The following ADAMTS6 variants were observed in gnomAD, a reference collection of about 807,000 sequenced individuals.
The protein encoded by ADAMTS6 is ADAM metallopeptidase with thrombospondin type 1 motif 6, also known as A disintegrin and metalloproteinase with thrombospondin motifs 6.
A neutral mutation model predicts 144.3 loss-of-function variants in ADAMTS6; 23 were observed. The observed-to-expected ratio is 0.16, with a 90% confidence interval of 0.11 to 0.23. The LOEUF (loss-of-function observed/expected upper bound fraction) is 0.23, where lower values mean the gene tolerates loss of function less well. Among genes scored for constraint, ADAMTS6 ranks in the 10% least tolerant of loss-of-function variants. The pLI, the probability that ADAMTS6 is intolerant of heterozygous loss-of-function variation, is 1.00. For synonymous variants in ADAMTS6, 444 were observed against 457.5 expected, an observed-to-expected ratio of 0.97 and a Z score of 0.38; for missense variants, 999 against 1,379.6, an observed-to-expected ratio of 0.72 and a Z score of 4.37.
At chr5:65,468,480 A>G (rs58002603) in intron 3 of ADAMTS6, among the ~76,000 whole-genome samples, 45,845 of 151,172 alleles carry the variant, frequency 0.3, 10,984 homozygotes, top group African/African-American at 0.67. Context: ...AAGAATGAAG[A>G]TAAAGTTTAC....
intron 15 of ADAMTS6, among the ~76,000 whole-genome samples, chr5:65,235,766 A>G (rs1362816738): frequency 6.6e-6 from 1 of 152,170 alleles, no homozygotes; most frequent in Non-Finnish European, 1.5e-5. Context: ...CTAATACTTA[A>G]TAAACTTCCC....
intron 20 of ADAMTS6, among the ~76,000 whole-genome samples, chr5:65,208,926 A>G (rs907647660): frequency 2.6e-5 from 4 of 152,224 alleles, no homozygotes; most frequent in African/African-American, 9.6e-5. Flanking sequence ...CTGGAAACTT[A>G]GAAATGTAAA....
At chr5:65,374,295 A>G (rs887616255) in intron 7 of ADAMTS6, among the ~76,000 whole-genome samples, 12 of 151,864 alleles carry the variant, frequency 7.9e-5, no homozygotes, top group African/African-American at 2.4e-4. Flanking sequence ...AGGATATTCA[A>G]TTAGGAAAAG....
At position 65,291,448 on chromosome 5, in the gene ADAMTS6, C is replaced by G. The variant is rs1426283036; in HGVS notation, c.1393G>C (p.Asp465His). The change falls in exon 11 of 25, where the codon GAT becomes CAT. Residue 465 changes from aspartate (D) to histidine (H), a missense_variant. Physicochemically the swap from Asp to His is moderately conservative, Grantham distance 81 (BLOSUM62 -1). Transcript: ENST00000381055. ...FLDSGRGTCL[D>H]NEPPKRDFLY... ...AAGTCACGCTTGGGAGGCTCATTAT[C>G]AAGGCAAGTACCACGGCCTGAACTG... The G allele has an allele frequency of 6.2e-7, 1 of 1,613,776 alleles. No individual in the cohort carries two copies. The highest frequency in any genetic ancestry group is 2.2e-5 in the East Asian group (1 of 44,856).
chr5:65,181,496 A>G (rs1036053523), intron 22 of ADAMTS6, among the ~76,000 whole-genome samples: 2 of 152,238 alleles, frequency 1.3e-5, no homozygotes, highest in Non-Finnish European at 2.9e-5. Flanking sequence ...AATATTAAAC[A>G]TTATTAAACA....
At chr5:65,400,394 T>C (rs1255165383) in intron 7 of ADAMTS6, among the ~76,000 whole-genome samples, 1 of 152,138 alleles carries the variant, frequency 6.6e-6, no homozygotes, top group Non-Finnish European at 1.5e-5. Flanking sequence ...TTTTGTGTTG[T>C]TGTAGAAACC....
intron 12 of ADAMTS6, among the ~76,000 whole-genome samples, chr5:65,266,044 T>C (rs1428750093): frequency 6.6e-6 from 1 of 151,946 alleles, no homozygotes; most frequent in Non-Finnish European, 1.5e-5. Context: ...CCTCTTTGTA[T>C]ATACCTATGA....
intron 7 of ADAMTS6, among the ~76,000 whole-genome samples, chr5:65,439,646 G>A (rs552054237): frequency 1.4e-4 from 22 of 152,184 alleles, no homozygotes; most frequent in African/African-American, 5.1e-4. Context: ...GTGATCCTAG[G>A]TTAGTTAGTG....
At chr5:65,304,028 C>T (rs1743700461) in intron 9 of ADAMTS6, among the ~76,000 whole-genome samples, 1 of 152,116 alleles carries the variant, frequency 6.6e-6, no homozygotes, top group African/African-American at 2.4e-5. Context: ...AACCAATGAA[C>T]TCAAGTACTG....
intron 9 of ADAMTS6, among the ~76,000 whole-genome samples, chr5:65,305,532 G>A (rs1435716267): frequency 6.6e-6 from 1 of 151,972 alleles, no homozygotes; most frequent in Non-Finnish European, 1.5e-5. Flanking sequence ...ACTCTCTGCT[G>A]TTGAGTTTCA....
chr5:65,244,372 C>T (rs926670262), intron 14 of ADAMTS6, among the ~76,000 whole-genome samples: 1 of 152,104 alleles, frequency 6.6e-6, no homozygotes, highest in Non-Finnish European at 1.5e-5. Context: ...GAAGGCCGTT[C>T]GCTTAAAGGC....
chr5:65,411,010 T>C (rs139409861), intron 7 of ADAMTS6, among the ~76,000 whole-genome samples: 1 of 152,154 alleles, frequency 6.6e-6, no homozygotes, highest in Non-Finnish European at 1.5e-5. Flanking sequence ...GCTAATTTTT[T>C]GCATTTTTTG....
At chr5:65,154,904 A>G (rs1006572262) in intron 24 of ADAMTS6, among the ~76,000 whole-genome samples, 1 of 152,252 alleles carries the variant, frequency 6.6e-6, no homozygotes, top group Non-Finnish European at 1.5e-5. Flanking sequence ...TCAGAAAGCT[A>G]TTAAACAGAA....
chr5:65,365,826 C>T (rs1427961856), intron 7 of ADAMTS6, among the ~76,000 whole-genome samples: 2 of 152,016 alleles, frequency 1.3e-5, no homozygotes, highest in African/African-American at 4.8e-5. Context: ...TATATAAGCT[C>T]TTATTTTACA....
chr5:65,432,647 A>C (rs1490692608), intron 7 of ADAMTS6, among the ~76,000 whole-genome samples: 2 of 152,096 alleles, frequency 1.3e-5, no homozygotes, highest in Non-Finnish European at 2.9e-5. Context: ...TTAAAAGCTA[A>C]ATTTCTTTTT....
rs368288001 is a variant in ADAMTS6, at chr5:65,172,930, C to T, written c.2989G>A (p.Ala997Thr). 2 of 1,614,232 alleles carry T rather than the reference C, an allele frequency of 1.2e-6. No individual in the cohort carries two copies. Among genetic ancestry groups the T allele is most frequent in the Middle Eastern group, 1.6e-4 (1 of 6,062 alleles). ...KSSDLSKTFP[A>T]AQCPEESKPP... The stretch of plus-strand genomic sequence containing the variant: ...TTGCTTTCCTCTGGACATTGTGCAG[C>T]TGGGAATGTCTTAGAAAGGTCACTG... The change falls in exon 23 of 25, where the codon GCT becomes ACT. Residue 997 changes from alanine (A) to threonine (T), a missense_variant. By Grantham distance (58) the Ala-to-Thr change is moderately conservative (BLOSUM62 0). Transcript: ENST00000381055.
chr5:65,334,419 A>G (rs1189318824), intron 7 of ADAMTS6, among the ~76,000 whole-genome samples: 1 of 152,158 alleles, frequency 6.6e-6, no homozygotes, highest in African/African-American at 2.4e-5. Context: ...CTTCTGCAAA[A>G]CGCAAATAGG....
At chr5:65,237,419 G>GAAAAAAAAAA (rs1758758163) in intron 15 of ADAMTS6, among the ~76,000 whole-genome samples, 1 of 139,050 alleles carries the variant, frequency 7.2e-6, no homozygotes, top group Non-Finnish European at 1.5e-5. Flanking sequence ...AACTCCACAA[G>GAAAAAAAAAA]AAAATAAAAT....
intron 24 of ADAMTS6, among the ~76,000 whole-genome samples, chr5:65,154,334 C>T (rs1752292230): frequency 6.6e-6 from 1 of 152,232 alleles, no homozygotes; most frequent in African/African-American, 2.4e-5. Context: ...TGTTCAGAGG[C>T]AGTATCTAGC....
Sources: allele counts gnomAD v4.1 joint callset (sites outside exome capture counted in the v4.1 genomes callset), GRCh38; gene constraint gnomAD v4.1.1; transcripts MANE v1.5; gene names NCBI Gene and HGNC (gene_info 2026-07-23, HGNC 2026-07-21).